MIDEAS: variants seen among roughly 807,000 people sequenced by gnomAD.
MIDEAS encodes mitotic deacetylase-associated SANT domain protein.
Under a neutral mutation model 102.7 loss-of-function variants are expected in MIDEAS, and 26 were observed. That is an observed-to-expected ratio of 0.25 (90% CI 0.19 to 0.35). The LOEUF is 0.35. MIDEAS is among the 10% of genes least tolerant of loss of function. The pLI is 1.00. For missense variants in MIDEAS, 1,231 were observed against 1,435.6 expected (o/e 0.86, Z 2.30); for synonymous variants, 585 against 591.0 (o/e 0.99, Z 0.15).
At chr14:73,785,159 G>A (rs1030952406) in intron 1 of MIDEAS, among the ~76,000 whole-genome samples, 25 of 152,342 alleles carry the variant, frequency 1.6e-4, no homozygotes, top group African/African-American at 5.5e-4. Flanking sequence ...TTCTGCCTAG[G>A]ACAGGGAGTT....
chr14:73,767,256 A>G (rs2140164212), intron 1 of MIDEAS, among the ~76,000 whole-genome samples: 1 of 152,318 alleles, frequency 6.6e-6, no homozygotes, highest in East Asian at 1.9e-4. Flanking sequence ...ATTGAGGCTC[A>G]GTCTCCTAAA....
intron 1 of MIDEAS, among the ~76,000 whole-genome samples, chr14:73,747,480 C>T (rs904066804): frequency 2.0e-5 from 3 of 152,168 alleles, no homozygotes; most frequent in African/African-American, 7.2e-5. Context: ...AACTGAGAAA[C>T]GAGAAAGGCT....
In MIDEAS at chr14:73,740,262, A is replaced by C. The variant is rs2053266463; in HGVS notation, c.-247-7T>G. Reference sequence around the variant, plus strand: ...CTCCACAGGGTTCTGGCACCTGCAGAGGGAAGAGCAGTGACAGTGTCAGCC... The same window carrying C: ...CTCCACAGGGTTCTGGCACCTGCAGCGGGAAGAGCAGTGACAGTGTCAGCC... On this transcript the variant is annotated splice_region_variant and splice_polypyrimidine_tract_variant and intron_variant, in intron 1 of 12. Coordinates refer to ENST00000423556, the MANE Select transcript of MIDEAS (RefSeq NM_001367710.1). The C allele has an allele frequency of 2.4e-6, 1 of 413,812 alleles. No homozygotes were observed. The highest frequency in any genetic ancestry group is 4.2e-6 in the Non-Finnish European group (1 of 239,238). The allele number at this position is 413,812 out of a possible 1,614,324, so 25.6% of individuals were successfully genotyped here.
intron 1 of MIDEAS, among the ~76,000 whole-genome samples, chr14:73,783,568 G>A (rs985925022): frequency 6.6e-6 from 1 of 152,220 alleles, no homozygotes; most frequent in African/African-American, 2.4e-5. Context: ...GAGCAGGAAG[G>A]TGACCCTTGC....
intron 1 of MIDEAS, among the ~76,000 whole-genome samples, chr14:73,779,573 A>T (rs150444113): frequency 0.42 from 49,570 of 118,972 alleles, 11,003 homozygotes; most frequent in East Asian, 0.79. Context: ...TATTATTATT[A>T]TTTTTTTTTT....
intron 4 of MIDEAS, chr14:73,729,242 C>G (rs1357271648): frequency 5.9e-6 from 1 of 169,324 alleles, no homozygotes; most frequent in Non-Finnish European, 1.3e-5. Flanking sequence ...TGCTAATGCA[C>G]CTGAGCCTAG....
Position 73,719,014 on chromosome 14 carries a change from G to T in MIDEAS, c.3135-6C>A. On this transcript the variant is annotated splice_polypyrimidine_tract_variant and splice_region_variant and intron_variant, in intron 12 of 12. Transcript: ENST00000423556. Reference sequence around the variant, plus strand: ...TCTTCACCTTGTAAAACACCCTGCAGCCGGGTGGGGGTTGCTCAGAACCGG... The same window carrying T: ...TCTTCACCTTGTAAAACACCCTGCATCCGGGTGGGGGTTGCTCAGAACCGG... The T allele has an allele frequency of 6.8e-7, 1 of 1,472,930 alleles. No individual in the cohort carries two copies. The highest frequency in any genetic ancestry group is 8.9e-7 in the Non-Finnish European group (1 of 1,119,390). The allele number at this position is 1,472,930 out of a possible 1,614,324, so 91.2% of individuals were successfully genotyped here.
chr14:73,737,938 C>T (rs907686635), intron 2 of MIDEAS, among the ~76,000 whole-genome samples: 2 of 151,830 alleles, frequency 1.3e-5, no homozygotes, highest in African/African-American at 4.8e-5. Flanking sequence ...TGCAGTACCA[C>T]ACCTGGCTAA....
chr14:73,768,923 GA>G, intron 1 of MIDEAS, among the ~76,000 whole-genome samples: 1 of 152,314 alleles, frequency 6.6e-6, no homozygotes, highest in Non-Finnish European at 1.5e-5. Flanking sequence ...AGGTGGGATA[GA>G]CTTTCCAATT....
At chr14:73,758,575 C>G (rs1035897177) in intron 1 of MIDEAS, among the ~76,000 whole-genome samples, 11 of 152,246 alleles carry the variant, frequency 7.2e-5, no homozygotes. Flanking sequence ...CCGGGGCCTC[C>G]GTGGCCAGCC....
intron 1 of MIDEAS, among the ~76,000 whole-genome samples, chr14:73,782,447 C>T (rs1180992408): frequency 6.6e-6 from 1 of 152,166 alleles, no homozygotes; most frequent in Non-Finnish European, 1.5e-5. Flanking sequence ...CCTACCTCAG[C>T]CTCCCAAGTA....
intron 1 of MIDEAS, among the ~76,000 whole-genome samples, chr14:73,757,124 T>C (rs935149291): frequency 6.6e-6 from 1 of 151,362 alleles, no homozygotes; most frequent in African/African-American, 2.4e-5. Context: ...ATAGAAAAAT[T>C]AGCCAGGTGT....
intron 3 of MIDEAS, among the ~76,000 whole-genome samples, chr14:73,735,145 T>C (rs73297473): frequency 0.046 from 7,032 of 152,280 alleles, 554 homozygotes; most frequent in African/African-American, 0.16. Flanking sequence ...CGAAATATAA[T>C]TTCAGTTAGG....
In MIDEAS at chr14:73,718,710, C is replaced by G; in HGVS notation, c.*133G>C. The G allele has an allele frequency of 3.7e-5, 34 of 915,998 alleles. No individual in the cohort carries two copies. Among genetic ancestry groups the G allele is most frequent in the East Asian group, 3.5e-5 (1 of 28,894 alleles). 56.7% of individuals were successfully genotyped at this position (915,998 alleles called of 1,614,324 possible). On this transcript the variant is annotated 3_prime_UTR_variant, in exon 13 of 13. Transcript: ENST00000423556. Reference sequence around the variant, plus strand: ...ATAAAAGAGCCGTTTATGTCATTGTCTCATTTGTTTCGCAGGGAAAAGTCC... The same window carrying G: ...ATAAAAGAGCCGTTTATGTCATTGTGTCATTTGTTTCGCAGGGAAAAGTCC...
rs189069597 is a variant in MIDEAS, at chr14:73,779,912, G to A, written c.-248+7190C>T. 2.2e-3 allele frequency among the ~76,000 whole-genome samples: 295 copies of A among 136,890 alleles called. 1 individual carries two copies. Among genetic ancestry groups the A allele is most frequent in the Admixed American group, 4.4e-3 (57 of 13,010 alleles). 89.8% of individuals were successfully genotyped at this position (136,890 alleles called of 152,430 possible). On this transcript the variant is annotated intron_variant, in intron 1 of 11. Coordinates refer to the MIDEAS transcript ENST00000394071. ...TTTTGAGACAGAGTCTTGCTCTGTT[G>A]CCCAGGCTGGAGTGCAGTGGCACCA...
chr14:73,737,581 G>C (rs1186843419), intron 2 of MIDEAS, among the ~76,000 whole-genome samples: 2 of 151,868 alleles, frequency 1.3e-5, no homozygotes, highest in Admixed American at 6.6e-5. Flanking sequence ...AGCCGAGATC[G>C]AACCACTGCA....
chr14:73,774,815 T>G (rs1020391482), intron 1 of MIDEAS, among the ~76,000 whole-genome samples: 9 of 152,048 alleles, frequency 5.9e-5, no homozygotes, highest in African/African-American at 1.9e-4. Context: ...AAGCACACAG[T>G]CCACCAGACA....
intron 7 of MIDEAS, 56 bp downstream of exon 7, chr14:73,726,548 G>A: frequency 6.5e-7 from 1 of 1,541,676 alleles, no homozygotes; most frequent in Non-Finnish European, 8.9e-7. Context: ...CAGCAGACAT[G>A]GATCCAAGCC....
intron 3 of MIDEAS, among the ~76,000 whole-genome samples, chr14:73,734,883 G>C (rs1331392002): frequency 6.6e-6 from 1 of 152,152 alleles, no homozygotes; most frequent in Non-Finnish European, 1.5e-5. Flanking sequence ...CAGTATGCAA[G>C]AATATAACTA....
Sources: gnomAD v4.1 joint callset for allele counts (sites outside exome capture counted in the v4.1 genomes callset) on GRCh38, gnomAD v4.1.1 for gene constraint, MANE v1.5 for transcripts, NCBI Gene and HGNC (gene_info 2026-07-23, HGNC 2026-07-21) for gene names.